The following NRXN1 variants were observed in gnomAD, a reference collection of about 807,000 sequenced individuals.
The protein encoded by NRXN1 is neurexin 1.
Under a neutral mutation model 150.9 loss-of-function variants are expected in NRXN1, and 39 were observed. That is an observed-to-expected ratio of 0.26 (90% CI 0.20 to 0.34). The LOEUF is 0.34. Ranked by LOEUF, NRXN1 falls within the 10% of genes least tolerant of loss-of-function variation. The probability of loss-of-function intolerance (pLI) is 1.00; values close to 1 mark genes in which losing one functional copy is unlikely to be tolerated. For missense variants in NRXN1, 1,815 were observed against 1,949.9 expected, an observed-to-expected ratio of 0.93 and a Z score of 1.30; for synonymous variants, 924 against 757.0, an observed-to-expected ratio of 1.22 and a Z score of -3.62.
intron 11 of NRXN1, among the ~76,000 whole-genome samples, chr2:50,530,652 C>T (rs1465994905): frequency 1.3e-5 from 2 of 152,016 alleles, no homozygotes; most frequent in East Asian, 3.9e-4. Context: ...TGCTAAGGGC[C>T]GCAGACTTTG....
At chr2:50,627,608 A>G (rs1681384455) in intron 5 of NRXN1, among the ~76,000 whole-genome samples, 1 of 101,096 alleles carries the variant, frequency 9.9e-6, no homozygotes, top group African/African-American at 4.1e-5. Flanking sequence ...AGCTTTTGTC[A>G]GACACAGACA....
Position 50,658,411 on chromosome 2 carries a change from G to GGTGTGTGTGTGTGTGTGTGTGTGTGT in NRXN1, c.833-34822_833-34797dup, listed in dbSNP as rs58970263. On this transcript the variant is annotated intron_variant, in intron 5 of 22. Coordinates refer to ENST00000401669, the MANE Select transcript of NRXN1 (RefSeq NM_001330078.2). The stretch of plus-strand genomic sequence containing the variant: ...TTAATTTACAGGAAATGCATTCACT[G>GGTGTGTGTGTGTGTGTGTGTGTGTGT]GTGTGTGTGTGTGTGTGTGTGTGTG... 1.9e-3 allele frequency among the ~76,000 whole-genome samples: 273 copies of GGTGTGTGTGTGTGTGTGTGTGTGTGT among 144,764 alleles called. 1 individual carries two copies. Among genetic ancestry groups the GGTGTGTGTGTGTGTGTGTGTGTGTGT allele is most frequent in the Middle Eastern group, 3.6e-3 (1 of 278 alleles). 95.0% of individuals were successfully genotyped at this position (144,764 alleles called of 152,430 possible).
chr2:50,054,756 A>G lies in NRXN1; in HGVS notation c.3808+199T>C, dbSNP rs74746635. Among the ~76,000 whole-genome samples, 918 of 152,302 alleles carry G rather than the reference A, an allele frequency of 6.0e-3. 2 individuals carry two copies. The highest frequency in any genetic ancestry group is 0.01 in the Admixed American group (158 of 15,276). On this transcript the variant is annotated intron_variant, in intron 20 of 22. Transcript: ENST00000401669. ...AGTTAACTGGGTAAGATTATTAAAC[A>G]GCTGGTACGTCTAAAAATGTATAGA...
At chr2:50,687,667 G>C (rs1691442246) in intron 5 of NRXN1, among the ~76,000 whole-genome samples, 1 of 152,206 alleles carries the variant, frequency 6.6e-6, no homozygotes, top group Admixed American at 6.5e-5. Context: ...TGCAGTTTTT[G>C]TGAAAACTAT....
rs979051948 is a variant in NRXN1 at position 49,964,835 on chromosome 2, C to G, written c.4129-21044G>C. On this transcript the variant is annotated intron_variant, in intron 21 of 22. Transcript: ENST00000401669. Reference sequence around the variant, plus strand: ...CAGCCTGGGCAACAAAAGCAAAAGTCCATCTCAAAAAATAAAAAATAATAA... The same window carrying G: ...CAGCCTGGGCAACAAAAGCAAAAGTGCATCTCAAAAAATAAAAAATAATAA... Among the ~76,000 whole-genome samples the G allele has an allele frequency of 2.0e-5, 3 of 152,062 alleles. No homozygotes were observed. The South Asian group carries it at 6.2e-4, about 32-fold the overall frequency.
intron 5 of NRXN1, among the ~76,000 whole-genome samples, chr2:50,811,215 C>T (rs1252064007): frequency 6.6e-6 from 1 of 152,100 alleles, no homozygotes; most frequent in East Asian, 1.9e-4. Context: ...CTGATGATTC[C>T]TTGAAACATC....
At chr2:50,548,262 A>C (rs1024169910) in intron 9 of NRXN1, 4 of 152,184 alleles carry the variant, frequency 2.6e-5, no homozygotes, top group Non-Finnish European at 1.5e-5. Flanking sequence ...GAAGGGACAG[A>C]AGTCCTGTTC....
chr2:51,022,868 G>A (rs567509438), intron 2 of NRXN1, among the ~76,000 whole-genome samples: 2 of 152,094 alleles, frequency 1.3e-5, no homozygotes, highest in Non-Finnish European at 2.9e-5. Flanking sequence ...ATAAAGTATG[G>A]CACTGTACTT....
chr2:50,736,287 T>C (rs1470520523), intron 5 of NRXN1, among the ~76,000 whole-genome samples: 1 of 152,198 alleles, frequency 6.6e-6, no homozygotes, highest in African/African-American at 2.4e-5. Flanking sequence ...TCATCACAAA[T>C]GTCATTTCTT....
chr2:50,727,844 G>A (rs1188484737), intron 5 of NRXN1, among the ~76,000 whole-genome samples: 1 of 152,046 alleles, frequency 6.6e-6, no homozygotes, highest in Non-Finnish European at 1.5e-5. Flanking sequence ...GTAGATGAGG[G>A]GAAAGAATAT....
At chr2:50,445,175 G>A (rs2086290291) in intron 17 of NRXN1, among the ~76,000 whole-genome samples, 1 of 152,092 alleles carries the variant, frequency 6.6e-6, no homozygotes. Flanking sequence ...CCTGCTGGAT[G>A]GCCCGCAATA....
chr2:50,474,260 C>A (rs10168312), intron 15 of NRXN1, among the ~76,000 whole-genome samples: 11 of 151,618 alleles, frequency 7.3e-5, no homozygotes, highest in Non-Finnish European at 2.9e-5. Flanking sequence ...ATCAAAGATA[C>A]AAAATTAGCT....
chr2:50,700,089 T>C (rs1278249750), intron 5 of NRXN1, among the ~76,000 whole-genome samples: 1 of 152,214 alleles, frequency 6.6e-6, no homozygotes, highest in African/African-American at 2.4e-5. Context: ...TCTGAATATA[T>C]GTTTGTCCTT....
chr2:50,481,678 G>A lies in NRXN1; in HGVS notation c.3071-9207C>T, dbSNP rs952549648. 1.7e-4 allele frequency among the ~76,000 whole-genome samples: 26 copies of A among 150,518 alleles called. 1 individual carries two copies. The highest frequency in any genetic ancestry group is 6.3e-4 in the African/African-American group (26 of 41,082). On this transcript the variant is annotated intron_variant, in intron 15 of 22. Coordinates refer to ENST00000401669, the MANE Select transcript of NRXN1 (RefSeq NM_001330078.2). Reference sequence around the variant, plus strand: ...AGAGTTTAGACCTTAACGTTTTCCTGTAGTGAGTTTTGGGGAGTTAATATT... The same window carrying A: ...AGAGTTTAGACCTTAACGTTTTCCTATAGTGAGTTTTGGGGAGTTAATATT...
intron 21 of NRXN1, among the ~76,000 whole-genome samples, chr2:49,964,186 C>T (rs1294893165): frequency 1.3e-5 from 2 of 152,234 alleles, no homozygotes; most frequent in Non-Finnish European, 2.9e-5. Context: ...ACGCTCCAAA[C>T]TGCTGGTTTC....
In NRXN1 at chr2:51,028,266, G is replaced by T. The variant is rs1670941293; in HGVS notation, c.8C>A (p.Thr3Lys). Residue 3 changes from threonine to lysine, a missense_variant, in exon 2 of 23, where the codon ACG (threonine) becomes AAG (lysine). This residue lies in a region of NRXN1 where 554 missense variants were observed against 478.8 expected (regional missense o/e 1.16). Transcript: ENST00000401669. ...ACAGCCCCCGCGCTGGAGCAGCGCC[G>T]TCCCCATGCTCGGGGCTGGGGTGCG... MG[T>K]ALLQRGGCFL... 1 of 1,447,288 alleles carries T rather than the reference G, an allele frequency of 6.9e-7. No homozygotes were observed. The highest frequency in any genetic ancestry group is 9.0e-7 in the Non-Finnish European group (1 of 1,105,942). 89.7% of individuals were successfully genotyped at this position (1,447,288 alleles called of 1,614,324 possible).
intron 2 of NRXN1, among the ~76,000 whole-genome samples, chr2:50,982,232 T>C (rs1326402589): frequency 6.6e-6 from 1 of 152,170 alleles, no homozygotes; most frequent in Non-Finnish European, 1.5e-5. Flanking sequence ...AACATTACTT[T>C]ATAGTGATTC....
At chr2:50,070,142 G>A (rs1055680123) in intron 19 of NRXN1, among the ~76,000 whole-genome samples, 10 of 151,988 alleles carry the variant, frequency 6.6e-5, no homozygotes, top group Admixed American at 3.9e-4. Context: ...GAGCCACTGC[G>A]CCTGGCCGAG....
chr2:49,954,975 G>A (rs932584411), intron 21 of NRXN1, among the ~76,000 whole-genome samples: 14 of 152,090 alleles, frequency 9.2e-5, no homozygotes, highest in South Asian at 8.3e-4. Context: ...AAGCATTTGC[G>A]TGAATAAAAG....
Sources: allele counts gnomAD v4.1 joint callset (sites outside exome capture counted in the v4.1 genomes callset), GRCh38; gene constraint gnomAD v4.1.1; regional missense constraint gnomAD v4.1.1; transcripts MANE v1.5; gene names NCBI Gene and HGNC (gene_info 2026-07-23, HGNC 2026-07-21).